The following GSK3B variants were observed in gnomAD, a reference collection of about 807,000 sequenced individuals.
GSK3B encodes the protein glycogen synthase kinase-3 beta.
In GSK3B, 15 loss-of-function variants were observed where a neutral mutation model predicts 56.4. The ratio of observed to expected loss-of-function variants is 0.27; its 90% CI spans 0.18 to 0.41. The LOEUF is 0.41. Ranked by LOEUF, GSK3B falls within the 10% of genes least tolerant of loss-of-function variation. The pLI is 1.00. For synonymous variants in GSK3B, 181 were observed against 188.9 expected, an observed-to-expected ratio of 0.96 and a Z score of 0.34; for missense variants, 300 against 513.4, an observed-to-expected ratio of 0.58 and a Z score of 4.02.
In GSK3B at chr3:120,090,358, G is replaced by A. The variant is rs554085282; in HGVS notation, c.88+2989C>T. On this transcript the variant is annotated intron_variant, in intron 1 of 10. Transcript: ENST00000264235. ...AGAAACTGTGCAATTAATAGACTAG[G>A]AAGTCAAATATCATTGCCAGTAACT... 1.3e-3 allele frequency among the ~76,000 whole-genome samples: 203 copies of A among 152,158 alleles called. 1 individual carries two copies. Among genetic ancestry groups the A allele is most frequent in the Non-Finnish European group, 2.1e-3 (140 of 67,988 alleles).
intron 2 of GSK3B, among the ~76,000 whole-genome samples, chr3:119,967,609 T>G (rs988145355): frequency 1.3e-5 from 2 of 152,162 alleles, no homozygotes; most frequent in Admixed American, 1.3e-4. Context: ...AGCCAACAGA[T>G]TTTGACAAGG....
At chr3:119,988,045 C>G (rs1323182036) in intron 2 of GSK3B, among the ~76,000 whole-genome samples, 1 of 152,160 alleles carries the variant, frequency 6.6e-6, no homozygotes, top group Non-Finnish European at 1.5e-5. Context: ...TTTTGGTCCT[C>G]TTTAAAAGGT....
At chr3:119,986,495 A>C (rs2057517182) in intron 2 of GSK3B, among the ~76,000 whole-genome samples, 1 of 152,070 alleles carries the variant, frequency 6.6e-6, no homozygotes, top group Non-Finnish European at 1.5e-5. Context: ...CAAAAAAAAA[A>C]ACAACCCCCA....
intron 6 of GSK3B, among the ~76,000 whole-genome samples, chr3:119,908,745 G>A (rs1333088025): frequency 6.6e-6 from 1 of 152,058 alleles, no homozygotes; most frequent in East Asian, 1.9e-4. Flanking sequence ...TTGCACCTGG[G>A]TCCTCTAGAC....
At chr3:119,893,719 T>C (rs1322367841) in intron 7 of GSK3B, among the ~76,000 whole-genome samples, 2 of 152,140 alleles carry the variant, frequency 1.3e-5, no homozygotes, top group Non-Finnish European at 2.9e-5. Context: ...TCAGCTCTCC[T>C]TCCCTTTTAG....
intron 1 of GSK3B, among the ~76,000 whole-genome samples, chr3:120,087,833 T>C (rs1233912836): frequency 6.6e-6 from 1 of 151,806 alleles, no homozygotes; most frequent in Admixed American, 6.6e-5. Flanking sequence ...CTTCCCAAAA[T>C]ATAAGCAAAA....
chr3:120,076,232 T>C (rs1000395771), intron 1 of GSK3B, among the ~76,000 whole-genome samples: 56 of 152,170 alleles, frequency 3.7e-4, no homozygotes, highest in African/African-American at 1.3e-3. Context: ...AACCTAAACA[T>C]AAGACTTGAA....
rs201546861 is a variant in GSK3B, at chr3:120,028,415, C to T, written c.89-26176G>A. Among the ~76,000 whole-genome samples the T allele has an allele frequency of 4.6e-5, 7 of 152,294 alleles. No homozygotes were observed. In the East Asian group the frequency reaches 1.4e-3, roughly 29 times the overall value. ...ACTATTTGAAACCTTCCAGACTATG[C>T]CACTAAGGCCATAGATCCCTCTAGC... On this transcript the variant is annotated intron_variant, in intron 1 of 10. Coordinates refer to ENST00000264235, the MANE Select transcript of GSK3B (RefSeq NM_001146156.2).
intron 1 of GSK3B, among the ~76,000 whole-genome samples, chr3:120,010,756 CTAAA>C (rs575769812): frequency 5.3e-5 from 8 of 151,602 alleles, no homozygotes; most frequent in African/African-American, 1.2e-4. Context: ...GACCCTGTCT[CTAAA>C]TAAATAAATA....
intron 7 of GSK3B, among the ~76,000 whole-genome samples, chr3:119,902,490 A>G (rs1217518952): frequency 1.3e-5 from 2 of 152,064 alleles, no homozygotes; most frequent in Non-Finnish European, 2.9e-5. Context: ...TCTGCTTCCC[A>G]GGTTCAAGCA....
At chr3:119,877,481 TA>T (rs1260157520) in intron 7 of GSK3B, among the ~76,000 whole-genome samples, 2 of 152,238 alleles carry the variant, frequency 1.3e-5, no homozygotes, top group African/African-American at 4.8e-5. Context: ...AATGTATTTT[TA>T]AATTGTTATT....
At chr3:119,976,531 A>G (rs2057409684) in intron 2 of GSK3B, among the ~76,000 whole-genome samples, 1 of 152,136 alleles carries the variant, frequency 6.6e-6, no homozygotes, top group Non-Finnish European at 1.5e-5. Flanking sequence ...GTAGTAGATC[A>G]GTAGTTTCCA....
intron 9 of GSK3B, among the ~76,000 whole-genome samples, chr3:119,847,145 G>C (rs1050102375): frequency 6.6e-6 from 1 of 152,020 alleles, no homozygotes; most frequent in Non-Finnish European, 1.5e-5. Context: ...TGCGGGGTAG[G>C]GGGGAAGGGG....
At chr3:120,019,052 A>C (rs1559878608) in intron 1 of GSK3B, among the ~76,000 whole-genome samples, 1 of 152,220 alleles carries the variant, frequency 6.6e-6, no homozygotes, top group African/African-American at 2.4e-5. Flanking sequence ...AACAAACAAA[A>C]AAAAGGAATG....
intron 2 of GSK3B, among the ~76,000 whole-genome samples, chr3:119,967,085 CTT>C (rs34345294): frequency 6.9e-6 from 1 of 145,292 alleles, no homozygotes. Flanking sequence ...TTACAGCTAC[CTT>C]TTTTTTTTTT....
intron 2 of GSK3B, among the ~76,000 whole-genome samples, chr3:119,971,538 G>A (rs2057365981): frequency 6.7e-6 from 1 of 150,122 alleles, no homozygotes; most frequent in Non-Finnish European, 1.5e-5. Context: ...TATATATTTG[G>A]GTATACATCT....
At chr3:120,072,480 G>A (rs942002722) in intron 1 of GSK3B, among the ~76,000 whole-genome samples, 4 of 152,000 alleles carry the variant, frequency 2.6e-5, no homozygotes, top group African/African-American at 9.7e-5. Flanking sequence ...CCAACTACTC[G>A]AGAGGCTGAG....
At chr3:120,015,788 T>C (rs559506218) in intron 1 of GSK3B, among the ~76,000 whole-genome samples, 1 of 152,002 alleles carries the variant, frequency 6.6e-6, no homozygotes, top group African/African-American at 2.4e-5. Context: ...TCAAGCAGAA[T>C]TGTTAGGATT....
At chr3:119,845,025 G>A (rs1313778873) in intron 9 of GSK3B, among the ~76,000 whole-genome samples, 8 of 152,104 alleles carry the variant, frequency 5.3e-5, no homozygotes, top group African/African-American at 1.9e-4. Flanking sequence ...ATCAATAAAC[G>A]TAATTCATCA....
Sources: allele counts gnomAD v4.1 joint callset (sites outside exome capture counted in the v4.1 genomes callset), GRCh38; gene constraint gnomAD v4.1.1; transcripts MANE v1.5; gene names NCBI Gene and HGNC (gene_info 2026-07-23, HGNC 2026-07-21).